Variants in RALGPS1 observed in about 807,000 individuals in gnomAD.
RALGPS1 encodes ras-specific guanine nucleotide-releasing factor RalGPS1.
Under a neutral mutation model 78.8 loss-of-function variants are expected in RALGPS1, and 19 were observed. That is an observed-to-expected ratio of 0.24 (90% CI 0.17 to 0.35). The LOEUF is 0.35. RALGPS1 is among the 10% of genes least tolerant of loss of function. The pLI, the probability that RALGPS1 is intolerant of heterozygous loss-of-function variation, is 1.00. For missense variants in RALGPS1, 454 were observed against 688.3 expected (o/e 0.66, Z 3.81); for synonymous variants, 228 against 256.3 (o/e 0.89, Z 1.06).
At chr9:127,089,185 T>C in intron 8 of RALGPS1, 1 of 1,598,478 alleles carries the variant, frequency 6.3e-7, no homozygotes. Flanking sequence ...GAGGCCATTC[T>C]ACTTGCGTCC....
intron 7 of RALGPS1, among the ~76,000 whole-genome samples, chr9:127,059,943 C>T (rs2049059950): frequency 6.6e-6 from 1 of 152,058 alleles, no homozygotes; most frequent in Admixed American, 6.6e-5. Flanking sequence ...GGATAAAATA[C>T]AACCAAATTA....
intron 4 of RALGPS1, among the ~76,000 whole-genome samples, chr9:126,989,651 A>G (rs1588872915): frequency 6.6e-6 from 1 of 152,168 alleles, no homozygotes; most frequent in East Asian, 1.9e-4. Context: ...CCCTGGAGGG[A>G]ACCTGCTAAG....
At chr9:127,185,676 T>C (rs2060597338) in intron 11 of RALGPS1, among the ~76,000 whole-genome samples, 1 of 152,234 alleles carries the variant, frequency 6.6e-6, no homozygotes, top group African/African-American at 2.4e-5. Flanking sequence ...CTGGTGTAGT[T>C]GTTGCCTTTA....
chr9:127,154,499 A>G (rs1168492578), intron 8 of RALGPS1, among the ~76,000 whole-genome samples: 3 of 152,234 alleles, frequency 2.0e-5, no homozygotes, highest in African/African-American at 7.2e-5. Context: ...CAGAGGGCCC[A>G]AGGAACCTCT....
chr9:127,097,154 G>C (rs904265924), intron 8 of RALGPS1, among the ~76,000 whole-genome samples: 2 of 152,176 alleles, frequency 1.3e-5, no homozygotes, highest in African/African-American at 4.8e-5. Flanking sequence ...CTTTGTCGAG[G>C]TGTAAAACTT....
At chr9:127,217,004 C>A in intron 18 of RALGPS1, 1 of 1,530,328 alleles carries the variant, frequency 6.5e-7, no homozygotes, top group Non-Finnish European at 8.8e-7. Context: ...GTGCCTGAAG[C>A]CTGGGCACCA....
intron 8 of RALGPS1, among the ~76,000 whole-genome samples, chr9:127,079,215 G>C (rs2050949317): frequency 1.3e-5 from 2 of 152,226 alleles, no homozygotes; most frequent in African/African-American, 4.8e-5. Flanking sequence ...TGACTCATGG[G>C]TGGGGACAGA....
At chr9:127,148,397 G>A (rs1038738997) in intron 8 of RALGPS1, among the ~76,000 whole-genome samples, 7 of 152,238 alleles carry the variant, frequency 4.6e-5, no homozygotes, top group Middle Eastern at 3.2e-3. Flanking sequence ...AGTAGGGAGC[G>A]TCTGTTTTTT....
At chr9:127,084,542 C>T (rs1385395680) in intron 8 of RALGPS1, among the ~76,000 whole-genome samples, 1 of 152,186 alleles carries the variant, frequency 6.6e-6, no homozygotes, top group African/African-American at 2.4e-5. Context: ...CTTTGTGCCC[C>T]TGGGCCTGAG....
At chr9:127,178,016 A>G (rs2059980118) in intron 11 of RALGPS1, 2 of 1,522,030 alleles carry the variant, frequency 1.3e-6, no homozygotes, top group South Asian at 2.4e-5. Flanking sequence ...CCAATAAAGC[A>G]TGGCGAGGCA....
intron 8 of RALGPS1, among the ~76,000 whole-genome samples, chr9:127,074,804 G>A (rs1465043125): frequency 6.6e-6 from 1 of 152,240 alleles, no homozygotes; most frequent in South Asian, 2.1e-4. Context: ...CTGGCTATAA[G>A]CCCTAAGCTC....
intron 4 of RALGPS1, among the ~76,000 whole-genome samples, chr9:127,021,624 C>T (rs1589061444): frequency 2.3e-5 from 3 of 130,746 alleles, no homozygotes; most frequent in Admixed American, 8.0e-5. Flanking sequence ...TTTTCTTCTT[C>T]TTCTTTTTTT....
chr9:127,117,694 G>T (rs1164841166), intron 8 of RALGPS1, among the ~76,000 whole-genome samples: 1 of 152,236 alleles, frequency 6.6e-6, no homozygotes, highest in Admixed American at 6.5e-5. Flanking sequence ...TGGGCCTGAG[G>T]CTTGCTTCAT....
chr9:127,017,969 C>T (rs2134070291), intron 4 of RALGPS1, among the ~76,000 whole-genome samples: 1 of 152,254 alleles, frequency 6.6e-6, no homozygotes, highest in East Asian at 1.9e-4. Context: ...GGAATCCCAG[C>T]ACTTTGGGAG....
At chr9:127,058,473 G>A (rs2048931999) in intron 7 of RALGPS1, among the ~76,000 whole-genome samples, 1 of 152,140 alleles carries the variant, frequency 6.6e-6, no homozygotes, top group African/African-American at 2.4e-5. Flanking sequence ...AGGGGATGTT[G>A]GCAGGATCAG....
At chr9:127,182,674 C>T (rs2060349991) in intron 11 of RALGPS1, among the ~76,000 whole-genome samples, 1 of 152,056 alleles carries the variant, frequency 6.6e-6, no homozygotes, top group South Asian at 2.1e-4. Context: ...GGTGATCTGC[C>T]CACCTTGGCC....
intron 11 of RALGPS1, among the ~76,000 whole-genome samples, chr9:127,193,427 G>A (rs1022489955): frequency 9.8e-5 from 15 of 152,290 alleles, no homozygotes; most frequent in African/African-American, 3.6e-4. Flanking sequence ...GCGGATGAAG[G>A]AGAAGGTGCC....
At chr9:126,964,964 C>T (rs1309294966) in intron 2 of RALGPS1, among the ~76,000 whole-genome samples, 4 of 152,132 alleles carry the variant, frequency 2.6e-5, no homozygotes, top group Admixed American at 1.3e-4. Context: ...TGAGCTGAGA[C>T]GAATAAAATC....
intron 7 of RALGPS1, among the ~76,000 whole-genome samples, chr9:127,053,875 T>C (rs2048498667): frequency 6.6e-6 from 1 of 152,220 alleles, no homozygotes; most frequent in African/African-American, 2.4e-5. Flanking sequence ...TTTAGCCCAG[T>C]GTCAGAAAAC....
Sources: gnomAD v4.1 joint callset for allele counts (sites outside exome capture counted in the v4.1 genomes callset) on GRCh38, gnomAD v4.1.1 for gene constraint, MANE v1.5 for transcripts, NCBI Gene and HGNC (gene_info 2026-07-23, HGNC 2026-07-21) for gene names.